The following MMS22L variants were observed in gnomAD, a reference collection of about 807,000 sequenced individuals.
MMS22L encodes protein MMS22-like.
A neutral mutation model predicts 159.1 loss-of-function variants in MMS22L; 74 were observed. The ratio of observed to expected loss-of-function variants is 0.47; its 90% CI spans 0.39 to 0.56. The LOEUF is 0.56. Ranked by LOEUF, MMS22L falls within the 20% of genes least tolerant of loss-of-function variation. MMS22L has a pLI of 0.00. For missense variants in MMS22L, 1,351 were observed against 1,422.1 expected, an observed-to-expected ratio of 0.95 and a Z score of 0.80; for synonymous variants, 517 against 506.9, an observed-to-expected ratio of 1.02 and a Z score of -0.27.
intron 11 of MMS22L, among the ~76,000 whole-genome samples, chr6:97,235,720 T>C (rs376968612): frequency 5.2e-4 from 79 of 152,288 alleles, no homozygotes; most frequent in African/African-American, 1.8e-3. Context: ...AGCTCAACTA[T>C]GGATGGCTGA....
intron 14 of MMS22L, among the ~76,000 whole-genome samples, chr6:97,193,046 G>A (rs774636346): frequency 3.2e-4 from 48 of 152,078 alleles, no homozygotes; most frequent in Non-Finnish European, 5.0e-4. Flanking sequence ...TCCAAATGTC[G>A]CATTGCTGTA....
chr6:97,156,157 C>T (rs560587400), intron 22 of MMS22L, among the ~76,000 whole-genome samples: 17 of 152,188 alleles, frequency 1.1e-4, no homozygotes, highest in South Asian at 4.1e-4. Context: ...TCATATCCTT[C>T]GCCCATTTTT....
intron 14 of MMS22L, among the ~76,000 whole-genome samples, chr6:97,194,684 C>T (rs547126069): frequency 3.3e-5 from 5 of 152,094 alleles, no homozygotes; most frequent in East Asian, 3.9e-4. Flanking sequence ...ATTGAAAATA[C>T]TCCTTTACTC....
At chr6:97,250,928 T>C (rs1265410276) in intron 10 of MMS22L, among the ~76,000 whole-genome samples, 1 of 152,158 alleles carries the variant, frequency 6.6e-6, no homozygotes, top group Admixed American at 6.5e-5. Context: ...TGCACAACCA[T>C]TTTCTCTATT....
intron 15 of MMS22L, among the ~76,000 whole-genome samples, chr6:97,183,351 C>T (rs975805404): frequency 3.3e-5 from 5 of 152,080 alleles, no homozygotes; most frequent in Non-Finnish European, 7.4e-5. Flanking sequence ...TTTGTGTACT[C>T]GCCTGGAAAA....
intron 16 of MMS22L, among the ~76,000 whole-genome samples, chr6:97,180,624 A>G (rs1804613046): frequency 6.6e-6 from 1 of 152,254 alleles, no homozygotes; most frequent in South Asian, 2.1e-4. Flanking sequence ...TCCCAAAGCT[A>G]TATAGCACCT....
At chr6:97,248,429 T>C (rs796764028) in intron 10 of MMS22L, among the ~76,000 whole-genome samples, 1 of 152,232 alleles carries the variant, frequency 6.6e-6, no homozygotes, top group African/African-American at 2.4e-5. Flanking sequence ...CTGATACTTT[T>C]GTGACACAGC....
At chr6:97,151,653 A>C in intron 23 of MMS22L, 118 bp downstream of exon 23, 4 of 752,130 alleles carry the variant, frequency 5.3e-6, no homozygotes, top group Middle Eastern at 2.8e-4. Flanking sequence ...ACAATAATTG[A>C]AATACTATAA....
intron 14 of MMS22L, among the ~76,000 whole-genome samples, chr6:97,220,018 C>T (rs1809461294): frequency 6.6e-6 from 1 of 152,180 alleles, no homozygotes. Flanking sequence ...ACAATTACTT[C>T]CATTCCCCCA....
At chr6:97,257,307 A>C (rs960217179) in intron 9 of MMS22L, among the ~76,000 whole-genome samples, 1 of 152,240 alleles carries the variant, frequency 6.6e-6, no homozygotes, top group African/African-American at 2.4e-5. Context: ...ACCATTATGC[A>C]GCAATCATAA....
rs1453032922 is a variant in MMS22L at position 97,143,570 on chromosome 6, G to C, written c.*3236C>G. On this transcript the variant is annotated 3_prime_UTR_variant, in exon 25 of 25. Coordinates refer to ENST00000683635, the MANE Select transcript of MMS22L (RefSeq NM_001350599.2). ...AACCAGAGGTAAGGAAATAAGTAGT[G>C]CCCAACAGAAAAAACAAACAACCAG... The C allele has an allele frequency of 6.6e-6, 1 of 152,128 alleles. No individual in the cohort carries two copies. The highest frequency in any genetic ancestry group is 1.5e-5 in the Non-Finnish European group (1 of 68,054). 9.4% of individuals were successfully genotyped at this position (152,128 alleles called of 1,614,324 possible).
Position 97,161,800 on chromosome 6 carries a change from T to C in MMS22L, c.3385+202A>G, listed in dbSNP as rs554684382. 3.5e-4 allele frequency among the ~76,000 whole-genome samples: 54 copies of C among 152,136 alleles called. 1 individual carries two copies. In the South Asian group the frequency reaches 0.011, roughly 30 times the overall value. Reference sequence around the variant, plus strand: ...GGGAGAAAAAAAGCCAAAACTAAAATGGACCAAAACATCTCAGTTTTTAAC... The same window carrying C: ...GGGAGAAAAAAAGCCAAAACTAAAACGGACCAAAACATCTCAGTTTTTAAC... On this transcript the variant is annotated intron_variant, in intron 22 of 24. Coordinates refer to ENST00000683635, the MANE Select transcript of MMS22L (RefSeq NM_001350599.2).
intron 14 of MMS22L, among the ~76,000 whole-genome samples, chr6:97,206,882 T>C (rs551960396): frequency 9.5e-4 from 145 of 152,278 alleles, no homozygotes; most frequent in African/African-American, 3.3e-3. Context: ...TTTTTAATGA[T>C]TTAATATAGT....
At chr6:97,237,154 T>C (rs1473313891) in intron 11 of MMS22L, among the ~76,000 whole-genome samples, 2 of 152,032 alleles carry the variant, frequency 1.3e-5, no homozygotes, top group African/African-American at 4.8e-5. Context: ...CTGTAGAGTA[T>C]AACCATGGGA....
At chr6:97,270,404 G>A (rs964988239) in intron 6 of MMS22L, 1 of 383,144 alleles carries the variant, frequency 2.6e-6, no homozygotes, top group Non-Finnish European at 5.0e-6. Context: ...TTTAACAAAA[G>A]AACTTTAGAC....
intron 14 of MMS22L, among the ~76,000 whole-genome samples, chr6:97,197,677 C>A (rs79041646): frequency 0.059 from 9,011 of 152,106 alleles, 368 homozygotes; most frequent in Middle Eastern, 0.11. Context: ...GTATTGAATT[C>A]TCATAGAAGA....
intron 9 of MMS22L, among the ~76,000 whole-genome samples, chr6:97,258,341 A>C (rs182827889): frequency 6.6e-6 from 1 of 152,236 alleles, no homozygotes; most frequent in East Asian, 1.9e-4. Flanking sequence ...GCTCATGTTT[A>C]CTTTCCATGC....
At chr6:97,191,843 T>A (rs183525914) in intron 14 of MMS22L, among the ~76,000 whole-genome samples, 10 of 152,246 alleles carry the variant, frequency 6.6e-5, no homozygotes, top group African/African-American at 1.9e-4. Flanking sequence ...ATAACTAAGG[T>A]AATGGCATTA....
chr6:97,195,005 T>C (rs1806334451), intron 14 of MMS22L, among the ~76,000 whole-genome samples: 1 of 152,214 alleles, frequency 6.6e-6, no homozygotes, highest in Non-Finnish European at 1.5e-5. Flanking sequence ...ATGTAATACC[T>C]GAACTTGTGG....
Sources: allele counts gnomAD v4.1 joint callset (sites outside exome capture counted in the v4.1 genomes callset), GRCh38; gene constraint gnomAD v4.1.1; transcripts MANE v1.5; gene names NCBI Gene and HGNC (gene_info 2026-07-23, HGNC 2026-07-21).